WDR11: variants seen among roughly 807,000 people sequenced by gnomAD.
The protein encoded by WDR11 is WD repeat-containing protein 11.
A neutral mutation model predicts 151.2 loss-of-function variants in WDR11; 83 were observed. That is an observed-to-expected ratio of 0.55 (90% CI 0.46 to 0.66). The LOEUF (loss-of-function observed/expected upper bound fraction) is 0.66. Ranked by LOEUF, WDR11 falls within the 30% of genes least tolerant of loss-of-function variation. The pLI, the probability that WDR11 is intolerant of heterozygous loss-of-function variation, is 0.00. For synonymous variants in WDR11, 484 were observed against 533.1 expected (o/e 0.91, Z 1.27); for missense variants, 1,301 against 1,480.9 (o/e 0.88, Z 1.99).
chr10:120,901,176 TTAAAA>T, intron 21 of WDR11, 78 bp downstream of exon 21: 8 of 1,253,924 alleles, frequency 6.4e-6, no homozygotes, highest in Non-Finnish European at 9.3e-6. Context: ...CAATTCAAAA[TTAAAA>T]TAAGTTACGT....
chr10:120,865,495 A>C, intron 6 of WDR11, 135 bp from the exon 7 acceptor site: 1 of 705,122 alleles, frequency 1.4e-6, no homozygotes, highest in Non-Finnish European at 2.3e-6. Flanking sequence ...TTAAATGTAC[A>C]TTTAGTTTTA....
rs1388575749 is a variant in WDR11, at chr10:120,908,725, A to G, written c.*12A>G. The G allele has an allele frequency of 1.9e-6, 3 of 1,613,774 alleles. No homozygotes were observed. Among genetic ancestry groups the G allele is most frequent in the Non-Finnish European group, 1.7e-6 (2 of 1,179,988 alleles). ...CCATTGAAGAGTGACAGCTTAATAA[A>G]TGCCAGGGAATCTGACCTGGAAGGC... On this transcript the variant is annotated 3_prime_UTR_variant, in exon 29 of 29. Transcript: ENST00000263461.
intron 4 of WDR11, 85 bp from the exon 5 acceptor site, chr10:120,862,650 A>G: frequency 4.5e-6 from 6 of 1,321,842 alleles, no homozygotes; most frequent in East Asian, 2.3e-5. Flanking sequence ...AATTATCACT[A>G]TATTGCTCTC....
chr10:120,904,554 G>A (rs1164350439), intron 24 of WDR11, 92 bp from the exon 25 acceptor site: 14 of 1,474,296 alleles, frequency 9.5e-6, no homozygotes, highest in Non-Finnish European at 9.4e-6. Flanking sequence ...TTGAAAATGA[G>A]TGTTTTCCTT....
At position 120,866,718 on chromosome 10, in the gene WDR11, A is replaced by G. The variant is rs543120664; in HGVS notation, c.1144A>G (p.Ile382Val). ...CGTAGTGAGTGATGGCAGGGTCATG[A>G]TATGGGAACTCAAGTCTGCAGTTTG... The part of the protein sequence containing the change: ...ALVVSDGRVM[I>V]WELKSAVCNR... The change falls in exon 8 of 29, where the codon ATA (isoleucine) becomes GTA (valine). Residue 382 changes from isoleucine (I) to valine (V), a missense_variant. Transcript: ENST00000263461. 11 of 1,614,198 alleles carry G rather than the reference A, an allele frequency of 6.8e-6. No individual in the cohort carries two copies. In the South Asian group the frequency reaches 1.1e-4, roughly 16 times the overall value.
At chr10:120,859,665 T>G (rs1846069347) in intron 3 of WDR11, among the ~76,000 whole-genome samples, 1 of 152,176 alleles carries the variant, frequency 6.6e-6, no homozygotes, top group Non-Finnish European at 1.5e-5. Context: ...ATACTTACTG[T>G]GTACTAGGTA....
At chr10:120,896,831 A>G (rs1453644942) in intron 19 of WDR11, among the ~76,000 whole-genome samples, 3 of 152,196 alleles carry the variant, frequency 2.0e-5, no homozygotes, top group Admixed American at 2.0e-4. Flanking sequence ...GTAAAAAATC[A>G]TGACTTCTTG....
rs1564727750 is a variant in WDR11 at position 120,906,873 on chromosome 10, GT to G, written c.3517+21del. 1 of 1,614,132 alleles carries G rather than the reference GT, an allele frequency of 6.2e-7. No individual in the cohort carries two copies. Among genetic ancestry groups the G allele is most frequent in the Non-Finnish European group, 8.5e-7 (1 of 1,179,998 alleles). On this transcript the variant is annotated intron_variant, in intron 28 of 28. Transcript: ENST00000263461. ...GGACACAGATATCCTTTGCAAGGTT[GT>G]TTGTAGTGACGAGGAAGAAAGTGAC... is the stretch of plus-strand genomic sequence containing the variant.
rs890227701 is a variant in WDR11 at position 120,871,251 on chromosome 10, T to A, written c.1376T>A (p.Leu459Gln). Residue 459 changes from leucine (L) to glutamine (Q), a missense_variant, in exon 10 of 29, where the codon CTG becomes CAG. By Grantham distance (113) the Leu-to-Gln change is moderately radical. Transcript: ENST00000263461. ...EVHLKFLLTGLLSGLPAPQFA... is the reference protein window; with the variant it reads ...EVHLKFLLTGQLSGLPAPQFA... ...CACCTCAAGTTCCTGCTGACGGGAC[T>A]GCTTTCAGGACTGCCCGCACCACAG... 1 of 1,614,194 alleles carries A rather than the reference T, an allele frequency of 6.2e-7. No individual in the cohort carries two copies. The highest frequency in any genetic ancestry group is 1.7e-5 in the Admixed American group (1 of 60,026).
At chr10:120,880,924 AT>A in intron 13 of WDR11, 23 bp downstream of exon 13, 1 of 1,565,128 alleles carries the variant, frequency 6.4e-7, no homozygotes, top group East Asian at 2.3e-5. Flanking sequence ...CTAAAAAAAA[AT>A]CTATGGTGTT....
At chr10:120,876,309 G>A (rs1846786192) in intron 11 of WDR11, among the ~76,000 whole-genome samples, 1 of 152,112 alleles carries the variant, frequency 6.6e-6, no homozygotes, top group South Asian at 2.1e-4. Context: ...CACAGCTTCT[G>A]ATTGTGATGG....
chr10:120,862,489 C>T (rs1468813141), intron 4 of WDR11: 1 of 403,696 alleles, frequency 2.5e-6, no homozygotes, highest in East Asian at 4.6e-5. Context: ...CTGCCAATAA[C>T]CTTATGTTAT....
intron 13 of WDR11, among the ~76,000 whole-genome samples, chr10:120,881,505 T>C (rs887299133): frequency 6.6e-6 from 1 of 152,148 alleles, no homozygotes; most frequent in African/African-American, 2.4e-5. Context: ...TTAACAAGTT[T>C]TGTAACTCAT....
At chr10:120,861,409 C>T (rs1313304493) in intron 4 of WDR11, among the ~76,000 whole-genome samples, 1 of 152,132 alleles carries the variant, frequency 6.6e-6, no homozygotes, top group African/African-American at 2.4e-5. Flanking sequence ...TTTACTTACT[C>T]ACATAGGTGC....
At chr10:120,906,603 G>A (rs1848057527) in intron 27 of WDR11, 173 bp from the exon 28 acceptor site, 10 of 1,476,866 alleles carry the variant, frequency 6.8e-6, no homozygotes, top group Non-Finnish European at 8.9e-6. Context: ...TTGGAGATGT[G>A]AGTATTCTTC....
chr10:120,899,281 G>C (rs1007707381), intron 19 of WDR11, among the ~76,000 whole-genome samples: 5 of 152,244 alleles, frequency 3.3e-5, no homozygotes, highest in African/African-American at 9.6e-5. Context: ...GTGATCACAG[G>C]TGGCATGATC....
chr10:120,854,306 T>C (rs1480244058), intron 2 of WDR11, among the ~76,000 whole-genome samples: 1 of 152,238 alleles, frequency 6.6e-6, no homozygotes, highest in Non-Finnish European at 1.5e-5. Flanking sequence ...ATGACTTCTT[T>C]CACTTAGGAT....
At chr10:120,903,325 A>C (rs764853690) in intron 23 of WDR11, 93 bp downstream of exon 23, 1 of 1,476,446 alleles carries the variant, frequency 6.8e-7, no homozygotes, top group Non-Finnish European at 9.3e-7. Flanking sequence ...TTTCAAACTA[A>C]GTTACTGTTC....
intron 13 of WDR11, among the ~76,000 whole-genome samples, chr10:120,882,613 C>G (rs1282883539): frequency 6.6e-6 from 1 of 150,816 alleles, no homozygotes; most frequent in Non-Finnish European, 1.5e-5. Flanking sequence ...TGGTGTCTTC[C>G]AAGTAATCTG....
Sources: gnomAD v4.1 joint callset for allele counts (sites outside exome capture counted in the v4.1 genomes callset) on GRCh38, gnomAD v4.1.1 for gene constraint, MANE v1.5 for transcripts, NCBI Gene and HGNC (gene_info 2026-07-23, HGNC 2026-07-21) for gene names.